FMNL2: variants seen among roughly 807,000 people sequenced by gnomAD.
The protein encoded by FMNL2 is formin-like protein 2.
Under a neutral mutation model 130.2 loss-of-function variants are expected in FMNL2, and 51 were observed. That is an observed-to-expected ratio of 0.39 (90% CI 0.31 to 0.49). The LOEUF (loss-of-function observed/expected upper bound fraction) is 0.49. FMNL2 is among the 20% of genes least tolerant of loss of function. The probability of loss-of-function intolerance (pLI) is 0.85; values close to 1 mark genes in which losing one functional copy is unlikely to be tolerated. For synonymous variants in FMNL2, 465 were observed against 467.1 expected (o/e 1.00, Z 0.06); for missense variants, 977 against 1,316.2 (o/e 0.74, Z 3.99).
At chr2:152,409,645 A>G (rs1005964329) in intron 1 of FMNL2, among the ~76,000 whole-genome samples, 2 of 152,214 alleles carry the variant, frequency 1.3e-5, no homozygotes, top group African/African-American at 4.8e-5. Flanking sequence ...GACTCTGGGT[A>G]CAGAGGACAT....
At chr2:152,561,642 T>TG (rs1695535961) in intron 6 of FMNL2, among the ~76,000 whole-genome samples, 1 of 151,814 alleles carries the variant, frequency 6.6e-6, no homozygotes, top group Non-Finnish European at 1.5e-5. Flanking sequence ...GGCACAATCT[T>TG]GGCTCACTGC....
intron 1 of FMNL2, among the ~76,000 whole-genome samples, chr2:152,386,941 T>C (rs760747835): frequency 6.6e-6 from 1 of 152,176 alleles, no homozygotes; most frequent in Non-Finnish European, 1.5e-5. Flanking sequence ...GGGCAAAGTT[T>C]GCTGTTTTTT....
intron 1 of FMNL2, among the ~76,000 whole-genome samples, chr2:152,488,026 C>G (rs1340634687): frequency 1.3e-5 from 2 of 152,082 alleles, no homozygotes; most frequent in African/African-American, 2.4e-5. Flanking sequence ...GTGATACGCC[C>G]ACCTCGGCCT....
chr2:152,591,799 C>G (rs1489688516), intron 9 of FMNL2, among the ~76,000 whole-genome samples: 1 of 152,122 alleles, frequency 6.6e-6, no homozygotes, highest in African/African-American at 2.4e-5. Flanking sequence ...CAGCGAGAAC[C>G]TGTCTCTAAA....
intron 1 of FMNL2, among the ~76,000 whole-genome samples, chr2:152,378,535 C>A (rs1176130656): frequency 6.6e-6 from 1 of 152,150 alleles, no homozygotes; most frequent in Non-Finnish European, 1.5e-5. Context: ...TGTTTTTCCT[C>A]TGTATTTTGT....
At chr2:152,559,076 C>T (rs1695386345) in intron 5 of FMNL2, among the ~76,000 whole-genome samples, 1 of 152,144 alleles carries the variant, frequency 6.6e-6, no homozygotes, top group Non-Finnish European at 1.5e-5. Context: ...GTAACGCTTT[C>T]TTTAGGGCTT....
intron 25 of FMNL2, chr2:152,643,445 CGCACCGCCAAGCGTG>C: frequency 6.5e-7 from 1 of 1,536,098 alleles, no homozygotes; most frequent in Non-Finnish European, 8.7e-7. Context: ...CTTTACTGCT[CGCACCGCCAAGCGTG>C]GCTCTCGGTT....
chr2:152,375,877 C>CTCTCTATATATATATATATA lies in FMNL2; in HGVS notation c.117+40158_117+40159insCTCTATATATATATATATAT, dbSNP rs796954245. On this transcript the variant is annotated intron_variant, in intron 1 of 25. Transcript: ENST00000288670. ...TCTCTCTCTCTCTCTCTCTCTCTCT[C>CTCTCTATATATATATATATA]TATATATATATATATATATAATTAT... is the stretch of plus-strand genomic sequence containing the variant. Among the ~76,000 whole-genome samples, 40 of 112,468 alleles carry CTCTCTATATATATATATATA rather than the reference C, an allele frequency of 3.6e-4. No homozygotes were observed. The East Asian group carries it at 6.5e-3, about 18-fold the overall frequency. The allele number at this position is 112,468 out of a possible 152,430, so 73.8% of individuals were successfully genotyped here.
At chr2:152,408,687 A>G (rs1325065143) in intron 1 of FMNL2, among the ~76,000 whole-genome samples, 1 of 152,168 alleles carries the variant, frequency 6.6e-6, no homozygotes, top group Non-Finnish European at 1.5e-5. Flanking sequence ...AGCCTAGACT[A>G]CCTTAAACAT....
intron 2 of FMNL2, among the ~76,000 whole-genome samples, chr2:152,535,453 TATC>T (rs1255912336): frequency 1.3e-5 from 2 of 152,238 alleles, no homozygotes; most frequent in African/African-American, 4.8e-5. Flanking sequence ...ATATGGCTCT[TATC>T]ATATTCTACT....
intron 1 of FMNL2, among the ~76,000 whole-genome samples, chr2:152,452,937 C>T (rs991008783): frequency 8.5e-5 from 13 of 152,234 alleles, no homozygotes; most frequent in South Asian, 4.1e-4. Context: ...GGCGCGGTGG[C>T]TTATGCCTGT....
At chr2:152,430,726 A>G (rs969095136) in intron 1 of FMNL2, among the ~76,000 whole-genome samples, 1 of 152,142 alleles carries the variant, frequency 6.6e-6, no homozygotes, top group African/African-American at 2.4e-5. Flanking sequence ...ACAAAAAATT[A>G]GCGGGGCATG....
intron 1 of FMNL2, among the ~76,000 whole-genome samples, chr2:152,358,187 T>C (rs1450457124): frequency 2.6e-5 from 4 of 152,176 alleles, no homozygotes; most frequent in African/African-American, 4.8e-5. Flanking sequence ...TTTGGACTCT[T>C]AGATTTACAC....
chr2:152,603,390 T>C (rs922906673), intron 9 of FMNL2, among the ~76,000 whole-genome samples: 2 of 141,722 alleles, frequency 1.4e-5, no homozygotes, highest in Non-Finnish European at 3.0e-5. Context: ...TAAGAAGATA[T>C]TTAAGTCTGT....
intron 25 of FMNL2, chr2:152,643,423 GAA>G: frequency 6.5e-7 from 1 of 1,536,006 alleles, no homozygotes; most frequent in Non-Finnish European, 8.7e-7. Context: ...ATGCAGTGCT[GAA>G]GACTGTGCCC....
rs570884791 is a variant in FMNL2 at position 152,617,336 on chromosome 2, A to T, written c.1314+144A>T. 12 of 713,740 alleles carry T rather than the reference A, an allele frequency of 1.7e-5. No homozygotes were observed. In the South Asian group the frequency reaches 1.7e-4, roughly 10 times the overall value. 44.2% of individuals were successfully genotyped at this position (713,740 alleles called of 1,614,324 possible). On this transcript the variant is annotated intron_variant, in intron 13 of 25. Transcript: ENST00000288670. ...TGGAAACCTTTGAGAGGTGATGCTC[A>T]GTTGAAAACTACACATAGTCGGCGT... is the stretch of plus-strand genomic sequence containing the variant.
At chr2:152,592,627 A>G (rs1697499758) in intron 9 of FMNL2, among the ~76,000 whole-genome samples, 1 of 152,184 alleles carries the variant, frequency 6.6e-6, no homozygotes, top group Non-Finnish European at 1.5e-5. Context: ...TTAATAAAAA[A>G]TTTGTTTGTT....
intron 1 of FMNL2, among the ~76,000 whole-genome samples, chr2:152,347,527 G>T (rs1264663912): frequency 6.6e-6 from 1 of 152,154 alleles, no homozygotes; most frequent in Non-Finnish European, 1.5e-5. Flanking sequence ...CCAAAGTAAA[G>T]CATGAATGGG....
intron 9 of FMNL2, among the ~76,000 whole-genome samples, chr2:152,589,999 A>ATG (rs58850746): frequency 2.7e-4 from 31 of 115,874 alleles, no homozygotes; most frequent in African/African-American, 8.1e-4. Context: ...ATGTATATGT[A>ATG]TATATATATA....
Sources: allele counts gnomAD v4.1 joint callset (sites outside exome capture counted in the v4.1 genomes callset), GRCh38; gene constraint gnomAD v4.1.1; transcripts MANE v1.5; gene names NCBI Gene and HGNC (gene_info 2026-07-23, HGNC 2026-07-21).